Variants in CTNNA3 observed in about 807,000 individuals in gnomAD.
The protein encoded by CTNNA3 is catenin alpha-3.
Under a neutral mutation model 95.7 loss-of-function variants are expected in CTNNA3, and 76 were observed. The ratio of observed to expected loss-of-function variants is 0.79; its 90% CI spans 0.66 to 0.96. The LOEUF is 0.96. Among genes scored for constraint, CTNNA3 ranks in the 40% least tolerant of loss-of-function variants. CTNNA3 has a pLI of 0.00. For synonymous variants in CTNNA3, 431 were observed against 374.4 expected (o/e 1.15, Z -1.74); for missense variants, 1,191 against 1,089.8 (o/e 1.09, Z -1.31).
chr10:66,903,926 T>C (rs553154596), intron 7 of CTNNA3, among the ~76,000 whole-genome samples: 3 of 152,220 alleles, frequency 2.0e-5, no homozygotes, highest in South Asian at 2.1e-4. Context: ...ATAGGAAGAA[T>C]TTACATCATG....
At chr10:66,924,090 A>G (rs1397545881) in intron 7 of CTNNA3, among the ~76,000 whole-genome samples, 1 of 152,174 alleles carries the variant, frequency 6.6e-6, no homozygotes, top group African/African-American at 2.4e-5. Context: ...GAGACTATTG[A>G]AAAGCACACA....
intron 5 of CTNNA3, among the ~76,000 whole-genome samples, chr10:67,430,352 A>T (rs1034320093): frequency 6.6e-6 from 1 of 151,780 alleles, no homozygotes; most frequent in Admixed American, 6.6e-5. Context: ...TATCACTTCA[A>T]CTCCCCTAGT....
intron 7 of CTNNA3, among the ~76,000 whole-genome samples, chr10:66,816,880 G>A (rs1440504183): frequency 6.6e-6 from 1 of 151,984 alleles, no homozygotes; most frequent in Non-Finnish European, 1.5e-5. Context: ...GAAACATTGG[G>A]AAATTCACAA....
chr10:66,730,506 C>A (rs185273737), intron 9 of CTNNA3, among the ~76,000 whole-genome samples: 2 of 152,262 alleles, frequency 1.3e-5, no homozygotes, highest in East Asian at 3.9e-4. Context: ...GGATTCTGGG[C>A]TTACTACCTA....
Position 66,225,564 on chromosome 10 carries a change from C to A in CTNNA3, c.1884+54906G>T, listed in dbSNP as rs77701095. On this transcript the variant is annotated intron_variant, in intron 13 of 17. Transcript: ENST00000433211. ...TGGGGATACATATATCTTTCTGATA[C>A]ACTTACTTTATTTCCTTTGGGTAAA... Among the ~76,000 whole-genome samples the A allele has an allele frequency of 2.8e-3, 429 of 151,298 alleles. 1 individual carries two copies. Among genetic ancestry groups the A allele is most frequent in the Middle Eastern group, 0.01 (3 of 292 alleles).
At chr10:66,245,695 C>T (rs1277101418) in intron 13 of CTNNA3, among the ~76,000 whole-genome samples, 1 of 152,138 alleles carries the variant, frequency 6.6e-6, no homozygotes, top group East Asian at 1.9e-4. Flanking sequence ...CATTTTGTAC[C>T]TCTCAGCAAA....
intron 14 of CTNNA3, among the ~76,000 whole-genome samples, chr10:66,101,014 C>T (rs928374075): frequency 4.6e-5 from 7 of 152,152 alleles, no homozygotes; most frequent in African/African-American, 1.7e-4. Flanking sequence ...TTAATTTTAA[C>T]AAAATTTCCT....
chr10:66,986,930 A>C (rs1850760321), intron 7 of CTNNA3, among the ~76,000 whole-genome samples: 1 of 152,188 alleles, frequency 6.6e-6, no homozygotes, highest in Non-Finnish European at 1.5e-5. Flanking sequence ...CATGAAGTTT[A>C]TATTTGAATA....
intron 7 of CTNNA3, among the ~76,000 whole-genome samples, chr10:66,982,935 C>G (rs945404120): frequency 3.4e-4 from 52 of 152,134 alleles, no homozygotes; most frequent in Non-Finnish European, 7.2e-4. Context: ...CTTAAGCAGA[C>G]TGTCTGCAGA....
intron 7 of CTNNA3, among the ~76,000 whole-genome samples, chr10:67,062,974 T>G (rs1554909190): frequency 2.0e-5 from 3 of 147,172 alleles, no homozygotes; most frequent in South Asian, 2.1e-4. Flanking sequence ...AATCGTTTTG[T>G]TTTTTTTTCT....
rs578204825 is a variant in CTNNA3 at position 67,120,214 on chromosome 10, T to C, written c.1047+60103A>G. ...TCAGGCAATTATTATGAAATGACTT[T>C]TTCTACTTGCATAATCCATTGTGTA... On this transcript the variant is annotated intron_variant, in intron 7 of 17. Transcript: ENST00000433211. Among the ~76,000 whole-genome samples the C allele has an allele frequency of 1.1e-3, 170 of 152,084 alleles. 1 individual carries two copies. Among genetic ancestry groups the C allele is most frequent in the African/African-American group, 3.9e-3 (164 of 41,562 alleles).
At chr10:67,413,041 CAG>C (rs1845422069) in intron 5 of CTNNA3, among the ~76,000 whole-genome samples, 1 of 152,070 alleles carries the variant, frequency 6.6e-6, no homozygotes, top group Admixed American at 6.6e-5. Flanking sequence ...TCAAAAGACA[CAG>C]AGTGGCAGGC....
intron 13 of CTNNA3, among the ~76,000 whole-genome samples, chr10:66,125,680 A>C (rs558517079): frequency 6.6e-6 from 1 of 152,342 alleles, no homozygotes; most frequent in African/African-American, 2.4e-5. Context: ...TAAAGAAATG[A>C]ACTATCAAGC....
intron 11 of CTNNA3, among the ~76,000 whole-genome samples, chr10:66,391,706 C>T (rs150615698): frequency 2.4e-3 from 359 of 152,128 alleles, no homozygotes; most frequent in African/African-American, 8.2e-3. Flanking sequence ...AGTTTTGTTT[C>T]TAAATGAGAA....
intron 11 of CTNNA3, among the ~76,000 whole-genome samples, chr10:66,391,174 G>A (rs1278332298): frequency 1.3e-5 from 2 of 151,918 alleles, no homozygotes; most frequent in South Asian, 2.1e-4. Context: ...TAGACAGCTC[G>A]AATTTAGTTG....
At chr10:65,982,268 G>A (rs1420049513) in intron 16 of CTNNA3, among the ~76,000 whole-genome samples, 9 of 150,264 alleles carry the variant, frequency 6.0e-5, no homozygotes, top group South Asian at 2.1e-4. Context: ...ACTAATTATC[G>A]GGGAAATGCA....
intron 7 of CTNNA3, among the ~76,000 whole-genome samples, chr10:67,031,516 A>T (rs1853725575): frequency 6.6e-6 from 1 of 152,230 alleles, no homozygotes; most frequent in African/African-American, 2.4e-5. Context: ...ATTAAAAAGG[A>T]ATACTGCCAA....
At chr10:66,806,754 ATATG>A (rs1168709342) in intron 7 of CTNNA3, among the ~76,000 whole-genome samples, 147 of 73,468 alleles carry the variant, frequency 2.0e-3, no homozygotes, top group African/African-American at 7.5e-3. Flanking sequence ...AATGTGGCAT[ATATG>A]TGTGTGTGTG....
intron 5 of CTNNA3, among the ~76,000 whole-genome samples, chr10:67,309,702 A>G (rs912789436): frequency 1.8e-4 from 27 of 152,206 alleles, no homozygotes; most frequent in African/African-American, 5.3e-4. Context: ...TCAACTTACT[A>G]TTGATCAATA....
Sources: gnomAD v4.1 joint callset for allele counts (sites outside exome capture counted in the v4.1 genomes callset) on GRCh38, gnomAD v4.1.1 for gene constraint, MANE v1.5 for transcripts, NCBI Gene and HGNC (gene_info 2026-07-23, HGNC 2026-07-21) for gene names.